The following PTPRU variants were observed in gnomAD, a reference collection of about 807,000 sequenced individuals.
PTPRU encodes the protein receptor-type tyrosine-protein phosphatase U.
A neutral mutation model predicts 166.3 loss-of-function variants in PTPRU; 69 were observed. The observed-to-expected ratio is 0.41, with a 90% CI of 0.34 to 0.51. PTPRU has a LOEUF of 0.51. PTPRU is among the 20% of genes least tolerant of loss of function. PTPRU has a pLI of 0.09. For synonymous variants in PTPRU, 793 were observed against 814.0 expected (o/e 0.97, Z 0.44); for missense variants, 1,657 against 2,013.7 (o/e 0.82, Z 3.39).
rs1373746706 is a variant in PTPRU at position 29,255,261 on chromosome 1, C to T, written c.74-14C>T. ...CCTGCCTTAGCCTGGGCTAACCAGG[C>T]CCTGCTCTCACAGCTGGCTGCACCT... On this transcript the variant is annotated splice_polypyrimidine_tract_variant and intron_variant, in intron 1 of 29. Transcript: ENST00000373779. The T allele has an allele frequency of 1.9e-6, 3 of 1,611,924 alleles. No homozygotes were observed. In the Admixed American group the frequency reaches 5.0e-5, roughly 27 times the overall value.
At chr1:29,246,623 T>C (rs1684310432) in intron 1 of PTPRU, among the ~76,000 whole-genome samples, 2 of 152,140 alleles carry the variant, frequency 1.3e-5, no homozygotes, top group South Asian at 4.2e-4. Flanking sequence ...AGCATCTATT[T>C]TTTTTTTTTT....
At chr1:29,297,772 T>C (rs1053939140) in intron 15 of PTPRU, among the ~76,000 whole-genome samples, 19 of 152,122 alleles carry the variant, frequency 1.2e-4, no homozygotes, top group African/African-American at 4.3e-4. Context: ...CACTGATGAG[T>C]TGGGGAGTCA....
chr1:29,279,772 G>T lies in PTPRU; in HGVS notation c.1765+115G>T, dbSNP rs916241829. ...GGGGTAGTTACAGAGGGCCCCTGCTGAGATAAATATGCCATTTAGGAGTTA... is the reference window on the plus strand; with the variant it reads ...GGGGTAGTTACAGAGGGCCCCTGCTTAGATAAATATGCCATTTAGGAGTTA... On this transcript the variant is annotated intron_variant, in intron 10 of 29. Transcript: ENST00000373779. This position sits in a 1 kb window ranked among gnomAD's most constrained non-coding sequence, Gnocchi z 5.2. 2.2e-5 allele frequency: 28 copies of T among 1,266,220 alleles called. No individual in the cohort carries two copies. In the Admixed American group the frequency reaches 4.0e-4, roughly 18 times the overall value. 78.4% of individuals were successfully genotyped at this position (1,266,220 alleles called of 1,614,324 possible). A position where few individuals can be genotyped will look rare whatever the true frequency, so the allele number is the denominator to read the frequency against.
In PTPRU at chr1:29,320,308, C is replaced by T. The variant is rs1574730342; in HGVS notation, c.3688-377C>T. 3 of 183,102 alleles carry T rather than the reference C, an allele frequency of 1.6e-5. No individual in the cohort carries two copies. The East Asian group carries it at 4.0e-4, about 25-fold the overall frequency. The allele number at this position is 183,102 out of a possible 1,614,324, so 11.3% of individuals were successfully genotyped here. On this transcript the variant is annotated intron_variant, in intron 25 of 29. Coordinates refer to ENST00000373779, the MANE Select transcript of PTPRU (RefSeq NM_133178.4). This position sits in a 1 kb window ranked among gnomAD's most constrained non-coding sequence, Gnocchi z 5.2. ...ACCAGAAGGAAGTGAGGGAGACAGC[C>T]ATATAGACATTTGGGAAATTTGGCC...
intron 13 of PTPRU, among the ~76,000 whole-genome samples, 160 bp downstream of exon 13, chr1:29,284,136 A>T (rs1189368758): frequency 6.6e-6 from 1 of 151,906 alleles, no homozygotes; most frequent in African/African-American, 2.4e-5. Context: ...CATGTGCCCT[A>T]CCTCAAGGGC....
At position 29,258,680 on chromosome 1, in the gene PTPRU, C is replaced by T; in HGVS notation, c.381C>T (p.Pro127=). Residue 127 remains proline, a synonymous_variant, in exon 3 of 30, where the codon CCC becomes CCT. Transcript: ENST00000373779. The part of the protein sequence containing the change: ...LGVYVRVNGG[P]LGSAVWNMTG... ...TCTACGTGCGCGTTAATGGGGGCCC[C>T]CTGGGCAGTGCTGTGTGGAATATGA... 1 of 1,614,162 alleles carries T rather than the reference C, an allele frequency of 6.2e-7. No individual in the cohort carries two copies. Among genetic ancestry groups the T allele is most frequent in the Non-Finnish European group, 8.5e-7 (1 of 1,180,018 alleles).
chr1:29,317,914 T>C lies in PTPRU; in HGVS notation c.3680T>C (p.Leu1227Pro). 6.2e-7 allele frequency: 1 copy of C among 1,613,830 alleles called. No individual in the cohort carries two copies. Among genetic ancestry groups the C allele is most frequent in the Non-Finnish European group, 8.5e-7 (1 of 1,179,990 alleles). ...GDSNNYINAA[L>P]TDSYTRSAAF... ...TCCAACAACTACATTAATGCAGCCC[T>C]GACTGACGTGAGAGCTTGGGGTGGA... The change falls in exon 25 of 30, where the codon CTG (leucine) becomes CCG (proline). Residue 1227 changes from leucine (L) to proline (P), a missense_variant. This residue lies in a region of PTPRU where 1,190 missense variants were observed against 1,477.4 expected (regional missense o/e 0.81). Transcript: ENST00000373779. The surrounding 1 kb of genome is among the most constrained non-coding windows in gnomAD (Gnocchi z 5.6).
chr1:29,239,019 G>A (rs546596261), intron 1 of PTPRU, among the ~76,000 whole-genome samples: 65 of 152,316 alleles, frequency 4.3e-4, no homozygotes, highest in African/African-American at 1.5e-3. Flanking sequence ...AACAAAAAAT[G>A]GATTTGAGAG....
At chr1:29,307,377 G>A (rs921059820) in intron 18 of PTPRU, among the ~76,000 whole-genome samples, 1 of 152,220 alleles carries the variant, frequency 6.6e-6, no homozygotes, top group Non-Finnish European at 1.5e-5. Context: ...ATCCTCCACT[G>A]CCTTGAGCAG....
rs1262026730 is a variant in PTPRU at position 29,238,161 on chromosome 1, G to GGTGTGC, written c.73+1448_73+1453dup. 6.6e-6 allele frequency among the ~76,000 whole-genome samples: 1 copy of GGTGTGC among 151,988 alleles called. No homozygotes were observed. Among genetic ancestry groups the GGTGTGC allele is most frequent in the East Asian group, 2.0e-4 (1 of 5,096 alleles). On this transcript the variant is annotated intron_variant, in intron 1 of 29. Coordinates refer to ENST00000373779, the MANE Select transcript of PTPRU (RefSeq NM_133178.4). The surrounding 1 kb of genome is among the most constrained non-coding windows in gnomAD (Gnocchi z 6.1). ...GTGTGTTTCGGAGTCTGGTGTCTTT[G>GGTGTGC]GTGTGCGTGCGCGTGTGTGTGTGCG... is the stretch of plus-strand genomic sequence containing the variant.
chr1:29,293,779 G>A (rs1686762867), intron 15 of PTPRU, among the ~76,000 whole-genome samples: 1 of 152,174 alleles, frequency 6.6e-6, no homozygotes, highest in African/African-American at 2.4e-5. Context: ...CGGACTTTTG[G>A]GGGTAGTTTT....
intron 16 of PTPRU, 30 bp from the exon 17 acceptor site, chr1:29,304,744 C>T (rs757817393): frequency 6.4e-7 from 1 of 1,574,756 alleles, no homozygotes. Flanking sequence ...GTCCCTCTCT[C>T]CCACTGACCA....
chr1:29,248,109 T>C (rs771499306), intron 1 of PTPRU, among the ~76,000 whole-genome samples: 1 of 151,818 alleles, frequency 6.6e-6, no homozygotes, highest in Non-Finnish European at 1.5e-5. Flanking sequence ...TGGGCTGGAG[T>C]CATGGTCCTA....
At chr1:29,289,724 T>C in intron 14 of PTPRU, 1 of 1,609,420 alleles carries the variant, frequency 6.2e-7, no homozygotes, top group Non-Finnish European at 8.5e-7. Flanking sequence ...TAAGTAGCTC[T>C]ACCTTGCCTG....
At chr1:29,241,607 T>C (rs189353616) in intron 1 of PTPRU, among the ~76,000 whole-genome samples, 558 of 151,524 alleles carry the variant, frequency 3.7e-3, no homozygotes, top group African/African-American at 8.6e-3. Flanking sequence ...TCTTCTTCTT[T>C]TTTTTGAGAT....
At chr1:29,316,467 G>GAAGT (rs1439347691) in intron 24 of PTPRU, among the ~76,000 whole-genome samples, 1 of 152,180 alleles carries the variant, frequency 6.6e-6, no homozygotes, top group Non-Finnish European at 1.5e-5. Context: ...CCAGAGAAGA[G>GAAGT]AAGTAGTTAA....
intron 1 of PTPRU, among the ~76,000 whole-genome samples, chr1:29,243,652 G>C (rs959359187): frequency 6.6e-6 from 1 of 152,188 alleles, no homozygotes; most frequent in Non-Finnish European, 1.5e-5. Flanking sequence ...CATAGTGGAC[G>C]TCTGACAATG....
intron 7 of PTPRU, among the ~76,000 whole-genome samples, chr1:29,272,977 A>G (rs1272065282): frequency 6.6e-6 from 1 of 151,532 alleles, no homozygotes; most frequent in Non-Finnish European, 1.5e-5. Context: ...AAGAGATTGT[A>G]TAGCGGTGCT....
intron 13 of PTPRU, among the ~76,000 whole-genome samples, chr1:29,284,446 G>A (rs1686247601): frequency 6.6e-6 from 1 of 152,176 alleles, no homozygotes; most frequent in African/African-American, 2.4e-5. Flanking sequence ...TGAAGCCCAG[G>A]TGTCTGCTCT....
Sources: allele counts gnomAD v4.1 joint callset (sites outside exome capture counted in the v4.1 genomes callset), GRCh38; gene constraint gnomAD v4.1.1; regional missense constraint gnomAD v4.1.1; non-coding constraint Gnocchi (gnomAD v3.1); transcripts MANE v1.5; gene names NCBI Gene and HGNC (gene_info 2026-07-23, HGNC 2026-07-21).